Variants in CHCHD3 observed in about 807,000 individuals in gnomAD.
The protein encoded by CHCHD3 is coiled-coil-helix-coiled-coil-helix domain containing 3, also known as MICOS complex subunit MIC19.
Under a neutral mutation model 38.2 loss-of-function variants are expected in CHCHD3, and 20 were observed. That is an observed-to-expected ratio of 0.52 (90% CI 0.37 to 0.76). The LOEUF is 0.76. Ranked by LOEUF, CHCHD3 falls within the 30% of genes least tolerant of loss-of-function variation. CHCHD3 has a pLI of 0.00. For missense variants in CHCHD3, 245 were observed against 279.2 expected (o/e 0.88, Z 0.87); for synonymous variants, 82 against 100.0 (o/e 0.82, Z 1.07).
At chr7:132,905,646 A>G (rs1259625453) in intron 4 of CHCHD3, among the ~76,000 whole-genome samples, 1 of 152,210 alleles carries the variant, frequency 6.6e-6, no homozygotes, top group African/African-American at 2.4e-5. Flanking sequence ...CCTGTAAATA[A>G]GAATCCAAAA....
intron 5 of CHCHD3, among the ~76,000 whole-genome samples, chr7:132,839,785 AG>A (rs1807891027): frequency 6.6e-6 from 1 of 152,210 alleles, no homozygotes. Flanking sequence ...TAGCAGACTC[AG>A]GGTGGCTAGA....
intron 4 of CHCHD3, among the ~76,000 whole-genome samples, chr7:132,959,043 T>C (rs1048678051): frequency 6.6e-6 from 1 of 152,166 alleles, no homozygotes; most frequent in African/African-American, 2.4e-5. Context: ...CTTAATTCTA[T>C]CTTGAGAGAG....
intron 5 of CHCHD3, among the ~76,000 whole-genome samples, chr7:132,872,688 G>A (rs371721262): frequency 3.0e-4 from 45 of 152,306 alleles, no homozygotes; most frequent in African/African-American, 9.6e-4. Context: ...AACAATGGGC[G>A]CTTAGCTTAT....
intron 6 of CHCHD3, among the ~76,000 whole-genome samples, chr7:132,829,717 AG>A (rs1272014162): frequency 1.3e-5 from 2 of 152,320 alleles, no homozygotes; most frequent in African/African-American, 4.8e-5. Context: ...TCACCAGCTG[AG>A]ATTCCTTTAC....
intron 4 of CHCHD3, among the ~76,000 whole-genome samples, chr7:132,906,501 A>G (rs927593485): frequency 2.0e-5 from 3 of 152,190 alleles, no homozygotes; most frequent in African/African-American, 7.2e-5. Flanking sequence ...AAGTTCTAAG[A>G]AACAGATTTA....
At chr7:133,006,384 T>C (rs1051524500) in intron 3 of CHCHD3, among the ~76,000 whole-genome samples, 1 of 151,986 alleles carries the variant, frequency 6.6e-6, no homozygotes, top group Non-Finnish European at 1.5e-5. Context: ...AAGAATCCCT[T>C]GAACCTGGGA....
rs1302911023 is a variant in CHCHD3 at position 132,868,043 on chromosome 7, C to G, written c.453+17619G>C. On this transcript the variant is annotated intron_variant, in intron 5 of 7. Transcript: ENST00000262570. ...AAGACGTTCACCCACAATTGACAAG[C>G]TAGGTTTAATCCTTATAATGCCCAT... is the stretch of plus-strand genomic sequence containing the variant. 5.3e-5 allele frequency among the ~76,000 whole-genome samples: 8 copies of G among 152,276 alleles called. No individual in the cohort carries two copies. In the South Asian group the frequency reaches 1.4e-3, roughly 28 times the overall value.
At chr7:132,837,684 CACA>C (rs1250967982) in intron 6 of CHCHD3, among the ~76,000 whole-genome samples, 9 of 152,168 alleles carry the variant, frequency 5.9e-5, no homozygotes, top group Non-Finnish European at 8.8e-5. Context: ...CTAAAGCTGT[CACA>C]ACAACTTTTT....
chr7:132,977,537 A>G (rs1189162350), intron 3 of CHCHD3, among the ~76,000 whole-genome samples: 3 of 152,250 alleles, frequency 2.0e-5, no homozygotes, highest in Non-Finnish European at 4.4e-5. Flanking sequence ...TCTTACCCCT[A>G]AGTAAAAAAG....
At chr7:132,941,016 C>G (rs1810753298) in intron 4 of CHCHD3, among the ~76,000 whole-genome samples, 1 of 152,086 alleles carries the variant, frequency 6.6e-6, no homozygotes, top group Non-Finnish European at 1.5e-5. Context: ...TCTCAAAATA[C>G]TGTAAAACTG....
At chr7:133,028,947 C>A (rs1008350226) in intron 2 of CHCHD3, among the ~76,000 whole-genome samples, 5 of 151,772 alleles carry the variant, frequency 3.3e-5, no homozygotes, top group Non-Finnish European at 5.9e-5. Context: ...CATACTGAGC[C>A]CCTCACCACG....
At chr7:133,070,901 CAG>C (rs927571676) in intron 1 of CHCHD3, among the ~76,000 whole-genome samples, 2 of 152,124 alleles carry the variant, frequency 1.3e-5, no homozygotes, top group African/African-American at 4.8e-5. Context: ...AGGGCTGGAA[CAG>C]AGGATTAGGG....
At chr7:133,079,454 A>G (rs1469959066) in intron 1 of CHCHD3, among the ~76,000 whole-genome samples, 2 of 152,254 alleles carry the variant, frequency 1.3e-5, no homozygotes, top group East Asian at 3.8e-4. Context: ...TACACAGCAC[A>G]GCACTTTCAA....
At chr7:133,050,340 T>TAA (rs35635002) in intron 2 of CHCHD3, among the ~76,000 whole-genome samples, 689 of 31,838 alleles carry the variant, frequency 0.022, 119 homozygotes, top group Non-Finnish European at 0.028. Context: ...GGCTGTGTCT[T>TAA]AAAAAAAAAA....
chr7:133,047,445 G>A (rs1814027661), intron 2 of CHCHD3, among the ~76,000 whole-genome samples: 1 of 152,188 alleles, frequency 6.6e-6, no homozygotes, highest in South Asian at 2.1e-4. Flanking sequence ...ATTAACAGTT[G>A]TATTTAAGAT....
intron 6 of CHCHD3, among the ~76,000 whole-genome samples, chr7:132,803,430 A>G (rs1305841079): frequency 4.6e-5 from 7 of 152,202 alleles, no homozygotes; most frequent in Non-Finnish European, 1.0e-4. Flanking sequence ...TTAATTACAT[A>G]ACAGAAATAT....
At chr7:132,790,037 G>A (rs1806419057) in intron 7 of CHCHD3, among the ~76,000 whole-genome samples, 1 of 152,176 alleles carries the variant, frequency 6.6e-6, no homozygotes, top group South Asian at 2.1e-4. Flanking sequence ...AGTTTTGCCT[G>A]TGCACCAAGT....
intron 6 of CHCHD3, among the ~76,000 whole-genome samples, chr7:132,829,948 T>C (rs1224732049): frequency 1.3e-5 from 2 of 152,114 alleles, no homozygotes; most frequent in Non-Finnish European, 2.9e-5. Flanking sequence ...CTGAGTTGAG[T>C]GGAATACTGT....
At chr7:132,870,408 G>C (rs1464818918) in intron 5 of CHCHD3, among the ~76,000 whole-genome samples, 1 of 150,174 alleles carries the variant, frequency 6.7e-6, no homozygotes, top group Non-Finnish European at 1.5e-5. Context: ...TGTGTTTCCA[G>C]ATTCAATCCC....
Sources: gnomAD v4.1 joint callset for allele counts (sites outside exome capture counted in the v4.1 genomes callset) on GRCh38, gnomAD v4.1.1 for gene constraint, MANE v1.5 for transcripts, NCBI Gene and HGNC (gene_info 2026-07-23, HGNC 2026-07-21) for gene names.